Variants in CTNNA3 observed in about 807,000 individuals in gnomAD.
CTNNA3 encodes catenin alpha-3.
CTNNA3 carries 76 observed loss-of-function variants against 95.7 expected under a neutral mutation model. The observed-to-expected ratio is 0.79, with a 90% CI of 0.66 to 0.96. The LOEUF (loss-of-function observed/expected upper bound fraction) is 0.96. CTNNA3 is among the 40% of genes least tolerant of loss of function. CTNNA3 has a pLI of 0.00. For synonymous variants in CTNNA3, 431 were observed against 374.4 expected (o/e 1.15, Z -1.74); for missense variants, 1,191 against 1,089.8 (o/e 1.09, Z -1.31).
Position 66,720,186 on chromosome 10 carries a change from T to TA in CTNNA3, c.1281+46077dup, listed in dbSNP as rs907653205. Among the ~76,000 whole-genome samples, 49 of 148,676 alleles carry TA rather than the reference T, an allele frequency of 3.3e-4. 1 individual carries two copies. The Middle Eastern group carries it at 0.014, about 42-fold the overall frequency. On this transcript the variant is annotated intron_variant, in intron 9 of 17. Transcript: ENST00000433211. The stretch of plus-strand genomic sequence containing the variant: ...TCTCTCTCGTTATCTCACCTTCAGT[T>TA]AAAAAAAAATGAAAGAGAGAAGAAG...
chr10:67,648,078 T>C (rs1839770719), intron 1 of CTNNA3, among the ~76,000 whole-genome samples: 1 of 152,092 alleles, frequency 6.6e-6, no homozygotes, highest in Admixed American at 6.6e-5. Context: ...CTAATACAAA[T>C]TGCACAGTTG....
intron 15 of CTNNA3, among the ~76,000 whole-genome samples, chr10:65,991,020 C>T (rs2078534637): frequency 6.6e-6 from 1 of 152,060 alleles, no homozygotes; most frequent in Non-Finnish European, 1.5e-5. Flanking sequence ...GAAGAGCCAT[C>T]CTTTCCCCAG....
chr10:66,816,075 T>A (rs2132276970), intron 7 of CTNNA3, among the ~76,000 whole-genome samples: 1 of 152,310 alleles, frequency 6.6e-6, no homozygotes, highest in African/African-American at 2.4e-5. Flanking sequence ...AATGAATCTA[T>A]AGAGGAGCAA....
chr10:66,735,278 T>G (rs568044344), intron 9 of CTNNA3, among the ~76,000 whole-genome samples: 1 of 152,032 alleles, frequency 6.6e-6, no homozygotes, highest in East Asian at 1.9e-4. Context: ...TACTTTTGCA[T>G]GTCTTACAAC....
chr10:66,688,511 T>C (rs548997348), intron 9 of CTNNA3, among the ~76,000 whole-genome samples: 78 of 152,296 alleles, frequency 5.1e-4, no homozygotes, highest in South Asian at 2.3e-3. Context: ...GAACGAATGA[T>C]GTCACTTCCT....
At chr10:67,432,859 T>C (rs1273074784) in intron 5 of CTNNA3, among the ~76,000 whole-genome samples, 3 of 152,088 alleles carry the variant, frequency 2.0e-5, no homozygotes, top group African/African-American at 4.8e-5. Flanking sequence ...TTTCTTGCAA[T>C]GTTTCTGTCT....
Position 67,030,952 on chromosome 10 carries a change from C to T in CTNNA3, c.1047+149365G>A, listed in dbSNP as rs567734443. ...CCGAGAGGTGGAGGTTGCAGTGAGC[C>T]GAGATTGCATCGCTGCACTCCAGCC... On this transcript the variant is annotated intron_variant, in intron 7 of 17. Transcript: ENST00000433211. Among the ~76,000 whole-genome samples, 7 of 151,948 alleles carry T rather than the reference C, an allele frequency of 4.6e-5. No individual in the cohort carries two copies. In the South Asian group the frequency reaches 1.5e-3, roughly 32 times the overall value.
chr10:66,957,428 G>A lies in CTNNA3; in HGVS notation c.1048-181904C>T, dbSNP rs202059710. On this transcript the variant is annotated intron_variant, in intron 7 of 17. Transcript: ENST00000433211. ...TATATATATATGCATATATATATATGCATATATATATATGCATATATATAT... is the reference window on the plus strand; with the variant it reads ...TATATATATATGCATATATATATATACATATATATATATGCATATATATAT... Among the ~76,000 whole-genome samples the A allele has an allele frequency of 4.5e-4, 11 of 24,252 alleles. 1 individual carries two copies. The highest frequency in any genetic ancestry group is 3.6e-3 in the African/African-American group (10 of 2,782). The allele number at this position is 24,252 out of a possible 152,430, so 15.9% of individuals were successfully genotyped here. A position where few individuals can be genotyped will look rare whatever the true frequency, so the allele number is the denominator to read the frequency against.
intron 5 of CTNNA3, among the ~76,000 whole-genome samples, chr10:67,480,315 C>T (rs186839781): frequency 6.6e-6 from 1 of 152,254 alleles, no homozygotes; most frequent in African/African-American, 2.4e-5. Flanking sequence ...GGCCAATATC[C>T]CTGATGAACA....
intron 5 of CTNNA3, among the ~76,000 whole-genome samples, chr10:67,462,327 T>C (rs1032419796): frequency 8.5e-5 from 13 of 152,166 alleles, no homozygotes; most frequent in African/African-American, 2.7e-4. Context: ...TTCAGGTAAT[T>C]AATATCCTCG....
intron 1 of CTNNA3, among the ~76,000 whole-genome samples, chr10:67,705,355 A>C (rs1841071609): frequency 1.3e-5 from 2 of 151,898 alleles, no homozygotes; most frequent in Non-Finnish European, 2.9e-5. Flanking sequence ...ACTATTCACA[A>C]GAGCAAAGAC....
Position 66,097,011 on chromosome 10 carries a change from T to C in CTNNA3, c.1977+6146A>G, listed in dbSNP as rs558015580. Among the ~76,000 whole-genome samples the C allele has an allele frequency of 2.0e-4, 30 of 152,314 alleles. No individual in the cohort carries two copies. In the South Asian group the frequency reaches 4.8e-3, roughly 24 times the overall value. On this transcript the variant is annotated intron_variant, in intron 14 of 17. Coordinates refer to ENST00000433211, the MANE Select transcript of CTNNA3 (RefSeq NM_013266.4). ...AACTATTGGGTCAACTTTTCGGTGATGTTGCATTAACAAGAGTTGCTTTTT... is the reference window on the plus strand; with the variant it reads ...AACTATTGGGTCAACTTTTCGGTGACGTTGCATTAACAAGAGTTGCTTTTT...
At position 66,031,124 on chromosome 10, in the gene CTNNA3, C is replaced by T. The variant is rs188913971; in HGVS notation, c.2159+38184G>A. Among the ~76,000 whole-genome samples, 621 of 152,204 alleles carry T rather than the reference C, an allele frequency of 4.1e-3. 2 individuals are homozygous for T. The highest frequency in any genetic ancestry group is 5.0e-3 in the Non-Finnish European group (339 of 68,010). ...CTGTTGAAGAGGATGTAAATTAGTA[C>T]AGCCAATATGGAAACTCGATTGGAG... is the stretch of plus-strand genomic sequence containing the variant. On this transcript the variant is annotated intron_variant, in intron 15 of 17. Coordinates refer to ENST00000433211, the MANE Select transcript of CTNNA3 (RefSeq NM_013266.4).
intron 10 of CTNNA3, among the ~76,000 whole-genome samples, chr10:66,578,513 G>T (rs188910102): frequency 8.4e-4 from 128 of 152,020 alleles, no homozygotes; most frequent in African/African-American, 2.7e-3. Context: ...TTTCTTGAGG[G>T]TTTTCAGCAC....
intron 12 of CTNNA3, among the ~76,000 whole-genome samples, chr10:66,341,348 T>C (rs879301394): frequency 5.9e-5 from 9 of 151,920 alleles, no homozygotes; most frequent in Admixed American, 2.6e-4. Flanking sequence ...AGGACTTAAA[T>C]AAATTCAGTG....
chr10:66,426,802 T>A (rs2093245951), intron 11 of CTNNA3, among the ~76,000 whole-genome samples: 1 of 136,108 alleles, frequency 7.3e-6, no homozygotes, highest in South Asian at 2.6e-4. Flanking sequence ...ATCAGCCATA[T>A]TTCCTCTGTC....
chr10:67,113,204 G>C (rs1293482658), intron 7 of CTNNA3, among the ~76,000 whole-genome samples: 1 of 152,102 alleles, frequency 6.6e-6, no homozygotes, highest in Non-Finnish European at 1.5e-5. Context: ...TAGAAATGAG[G>C]AAATAAACCA....
intron 12 of CTNNA3, among the ~76,000 whole-genome samples, chr10:66,346,763 A>C (rs2092524289): frequency 6.6e-6 from 1 of 152,102 alleles, no homozygotes; most frequent in African/African-American, 2.4e-5. Flanking sequence ...ATGAAACGTT[A>C]TTTTTATCAC....
At chr10:66,688,428 C>G (rs1006714809) in intron 9 of CTNNA3, among the ~76,000 whole-genome samples, 1 of 152,110 alleles carries the variant, frequency 6.6e-6, no homozygotes, top group Non-Finnish European at 1.5e-5. Flanking sequence ...GGTTGTTCCT[C>G]TTTCCTGGAA....
Sources: allele counts gnomAD v4.1 joint callset (sites outside exome capture counted in the v4.1 genomes callset), GRCh38; gene constraint gnomAD v4.1.1; transcripts MANE v1.5; gene names NCBI Gene and HGNC (gene_info 2026-07-23, HGNC 2026-07-21).